SI: variants seen among roughly 807,000 people sequenced by gnomAD.
SI encodes sucrase-isomaltase, also known as sucrase-isomaltase, intestinal.
A neutral mutation model predicts 253.3 loss-of-function variants in SI; 235 were observed. That is an observed-to-expected ratio of 0.93 (90% CI 0.83 to 1.03). SI has a LOEUF of 1.03. SI is among the 50% of genes least tolerant of loss of function. The probability of loss-of-function intolerance (pLI) is 0.00; values close to 1 mark genes in which losing one functional copy is unlikely to be tolerated. For synonymous variants in SI, 819 were observed against 712.0 expected (o/e 1.15, Z -2.39); for missense variants, 2,442 against 2,211.1 (o/e 1.10, Z -2.09).
At chr3:164,982,777 C>A (rs781612592) in intron 46 of SI, among the ~76,000 whole-genome samples, 3 of 152,032 alleles carry the variant, frequency 2.0e-5, no homozygotes, top group Non-Finnish European at 4.4e-5. Flanking sequence ...CTAGCCTCAG[C>A]CTCCTATGCA....
At chr3:165,067,181 C>T (rs940351208) in intron 6 of SI, among the ~76,000 whole-genome samples, 159 bp downstream of exon 6, 1 of 151,946 alleles carries the variant, frequency 6.6e-6, no homozygotes, top group Non-Finnish European at 1.5e-5. Flanking sequence ...CTTTCATCCA[C>T]AAGAAACCAA....
At chr3:165,046,775 T>C (rs1002120165) in intron 16 of SI, 66 bp downstream of exon 16, 1 of 1,295,668 alleles carries the variant, frequency 7.7e-7, no homozygotes, top group Non-Finnish European at 1.1e-6. Context: ...TAAAATTAAT[T>C]AAGATTACAT....
chr3:165,018,649 T>G (rs983483004), intron 28 of SI, among the ~76,000 whole-genome samples: 1 of 151,212 alleles, frequency 6.6e-6, no homozygotes, highest in African/African-American at 2.4e-5. Flanking sequence ...TCTTAATATA[T>G]ATAAAATTAC....
At chr3:164,979,902 G>A (rs566039175) in intron 47 of SI, among the ~76,000 whole-genome samples, 15 of 151,926 alleles carry the variant, frequency 9.9e-5, no homozygotes, top group African/African-American at 3.6e-4. Flanking sequence ...AATTTTGCAT[G>A]TGTTACTTTA....
At chr3:165,048,817 A>G (rs1348673499) in intron 15 of SI, among the ~76,000 whole-genome samples, 1 of 151,898 alleles carries the variant, frequency 6.6e-6, no homozygotes, top group African/African-American at 2.4e-5. Context: ...GGGTTTCGCC[A>G]TGTTGGCCAG....
chr3:165,037,155 C>G (rs1406303703), intron 21 of SI, among the ~76,000 whole-genome samples: 2 of 151,726 alleles, frequency 1.3e-5, no homozygotes, highest in African/African-American at 4.8e-5. Flanking sequence ...AATGCCAAAA[C>G]AGTTAAATTA....
intron 34 of SI, among the ~76,000 whole-genome samples, chr3:165,011,867 C>A (rs562271614): frequency 5.3e-5 from 8 of 151,152 alleles, no homozygotes; most frequent in African/African-American, 1.7e-4. Flanking sequence ...CATTTCAGTT[C>A]TGTTAATGTT....
intron 12 of SI, among the ~76,000 whole-genome samples, chr3:165,055,534 T>G (rs1024190456): frequency 6.6e-6 from 1 of 151,902 alleles, no homozygotes; most frequent in Non-Finnish European, 1.5e-5. Flanking sequence ...AGAAAAAAAT[T>G]ATCAGAACAT....
At chr3:165,028,266 C>G (rs1211937727) in intron 25 of SI, among the ~76,000 whole-genome samples, 1 of 151,322 alleles carries the variant, frequency 6.6e-6, no homozygotes, top group Non-Finnish European at 1.5e-5. Flanking sequence ...ACAAGGAAAA[C>G]TACAAACACT....
At chr3:164,995,372 A>G (rs1455070195) in intron 40 of SI, among the ~76,000 whole-genome samples, 4 of 151,828 alleles carry the variant, frequency 2.6e-5, no homozygotes, top group Middle Eastern at 3.2e-3. Flanking sequence ...GGCAAAGATC[A>G]TATCTGTTGC....
chr3:165,063,985 G>T (rs909387170), intron 7 of SI, among the ~76,000 whole-genome samples: 1 of 151,226 alleles, frequency 6.6e-6, no homozygotes, highest in Non-Finnish European at 1.5e-5. Flanking sequence ...CAGGAGAATC[G>T]CTTGAACCCA....
At chr3:165,059,595 A>T (rs899482290) in intron 10 of SI, among the ~76,000 whole-genome samples, 1 of 151,936 alleles carries the variant, frequency 6.6e-6, no homozygotes, top group Non-Finnish European at 1.5e-5. Context: ...TTTTCAGAAA[A>T]TTTTTTAAAA....
intron 15 of SI, among the ~76,000 whole-genome samples, chr3:165,047,890 C>T (rs1190610883): frequency 6.6e-6 from 1 of 151,806 alleles, no homozygotes; most frequent in Non-Finnish European, 1.5e-5. Context: ...CAACTACAAG[C>T]ATCACTCACG....
At chr3:165,056,744 G>T (rs1354034109) in intron 12 of SI, among the ~76,000 whole-genome samples, 2 of 152,142 alleles carry the variant, frequency 1.3e-5, no homozygotes, top group African/African-American at 4.8e-5. Flanking sequence ...CTATGAGTCT[G>T]CAAGAGCCAT....
chr3:165,072,746 G>A (rs2108109300), intron 3 of SI, among the ~76,000 whole-genome samples: 1 of 152,070 alleles, frequency 6.6e-6, no homozygotes, highest in African/African-American at 2.4e-5. Flanking sequence ...AGTGACACTG[G>A]AATATTAATT....
intron 10 of SI, 100 bp downstream of exon 10, chr3:165,059,802 T>C (rs983621319): frequency 5.0e-6 from 6 of 1,193,690 alleles, no homozygotes; most frequent in Middle Eastern, 2.2e-4. Flanking sequence ...TTATATGATA[T>C]AATGTATATA....
In SI at chr3:164,998,451, G is replaced by T. The variant is rs1718115495; in HGVS notation, c.4540+89C>A. 5.1e-6 allele frequency: 7 copies of T among 1,361,890 alleles called. No individual in the cohort carries two copies. In the African/African-American group the frequency reaches 7.2e-5, roughly 14 times the overall value. 84.4% of individuals were successfully genotyped at this position (1,361,890 alleles called of 1,614,324 possible). A position where few individuals can be genotyped will look rare whatever the true frequency, so the allele number is the denominator to read the frequency against. On this transcript the variant is annotated intron_variant, in intron 38 of 47. Transcript: ENST00000264382. ...ACGATGTGAAGAACAAAATTCTGAG[G>T]ACTTATAAATGTTATGACCTAGCAC...
At chr3:165,052,357 C>T (rs528412671) in intron 13 of SI, among the ~76,000 whole-genome samples, 4 of 152,252 alleles carry the variant, frequency 2.6e-5, no homozygotes, top group South Asian at 2.1e-4. Flanking sequence ...GTAATAAAAA[C>T]ATCTAAAGAT....
chr3:164,998,034 G>A (rs1718096153), intron 38 of SI, among the ~76,000 whole-genome samples: 1 of 151,308 alleles, frequency 6.6e-6, no homozygotes, highest in South Asian at 2.1e-4. Flanking sequence ...TATTCCTCTG[G>A]GTATATAACC....
Sources: gnomAD v4.1 joint callset for allele counts (sites outside exome capture counted in the v4.1 genomes callset) on GRCh38, gnomAD v4.1.1 for gene constraint, MANE v1.5 for transcripts, NCBI Gene and HGNC (gene_info 2026-07-23, HGNC 2026-07-21) for gene names.